TF: variants seen among roughly 807,000 people sequenced by gnomAD.
TF encodes the protein transferrin, also known as serotransferrin.
In TF, 55 loss-of-function variants were observed where a neutral mutation model predicts 82.4. The ratio of observed to expected loss-of-function variants is 0.67; its 90% CI spans 0.54 to 0.84. The LOEUF (loss-of-function observed/expected upper bound fraction) is 0.84, where lower values mean the gene tolerates loss of function less well. Ranked by LOEUF, TF falls within the 40% of genes least tolerant of loss-of-function variation. The pLI, the probability that TF is intolerant of heterozygous loss-of-function variation, is 0.00. For synonymous variants in TF, 332 were observed against 332.6 expected (o/e 1.00, Z 0.02); for missense variants, 737 against 868.4 (o/e 0.85, Z 1.90).
chr3:133,721,774 A>G, the TF span, among the ~76,000 whole-genome samples: 3 of 152,108 alleles, frequency 2.0e-5, no homozygotes, highest in Admixed American at 6.5e-5. Flanking sequence ...CCACTATTGG[A>G]TGCATATCTA....
At chr3:133,748,104 C>T (rs998319949) in intron 1 of TF, 4 of 440,506 alleles carry the variant, frequency 9.1e-6, no homozygotes, top group Admixed American at 6.9e-5. Flanking sequence ...GGGGCCAGGA[C>T]AGTGATGGGA....
rs1338850612 is a variant in TF at position 133,787,085 on chromosome 3, G to GC, written c.*8467dup. The GC allele has an allele frequency of 6.6e-6, 1 of 152,190 alleles. No individual in the cohort carries two copies. The highest frequency in any genetic ancestry group is 6.5e-5 in the Admixed American group (1 of 15,280). 9.4% of individuals were successfully genotyped at this position (152,190 alleles called of 1,614,324 possible). ...GTGTTCATACTTGGACATTTCACTTGCCATTTTTCTGTCTGTTTTGTGCAT... is the reference window on the plus strand; with the variant it reads ...GTGTTCATACTTGGACATTTCACTTGCCCATTTTTCTGTCTGTTTTGTGCAT... On this transcript the variant is annotated 3_prime_UTR_variant, in exon 17 of 17. Coordinates refer to ENST00000402696, the MANE Select transcript of TF (RefSeq NM_001063.4).
chr3:133,683,168 A>G, the TF span, among the ~76,000 whole-genome samples: 1 of 152,216 alleles, frequency 6.6e-6, no homozygotes, highest in Non-Finnish European at 1.5e-5. Context: ...GCTTTTGTCA[A>G]CATCAGGCCT....
At chr3:133,706,167 A>G in the TF span, among the ~76,000 whole-genome samples, 1 of 152,198 alleles carries the variant, frequency 6.6e-6, no homozygotes, top group Non-Finnish European at 1.5e-5. Context: ...GCCTGAGCAC[A>G]TGCTGCCTGC....
intron 14 of TF, chr3:133,774,375 C>T (rs1271048485): frequency 6.6e-6 from 1 of 152,038 alleles, no homozygotes; most frequent in Non-Finnish European, 1.5e-5. Flanking sequence ...TTTAAAGATA[C>T]TATTATAGCC....
the TF span, among the ~76,000 whole-genome samples, chr3:133,674,140 G>A: frequency 2.7e-3 from 417 of 152,358 alleles, 4 homozygotes; most frequent in African/African-American, 9.7e-3. Context: ...TCCAGGGGAA[G>A]AGCCCACGGT....
chr3:133,752,531 G>A (rs1933702811), intron 2 of TF, among the ~76,000 whole-genome samples: 1 of 152,108 alleles, frequency 6.6e-6, no homozygotes. Context: ...ATAAAAGATG[G>A]TTGGGCTCAC....
intron 10 of TF, 141 bp downstream of exon 10, chr3:133,764,416 G>T (rs934777491): frequency 1.7e-5 from 12 of 717,728 alleles, no homozygotes; most frequent in Non-Finnish European, 3.0e-5. Flanking sequence ...CAAGCTCTGG[G>T]CTCCTTCATC....
intron 9 of TF, chr3:133,762,052 A>T (rs1934009141): frequency 5.6e-6 from 1 of 177,210 alleles, no homozygotes; most frequent in Non-Finnish European, 1.3e-5. Flanking sequence ...TTATTTGAAG[A>T]TGGAAATGGA....
At chr3:133,754,716 T>C in intron 4 of TF, 45 bp downstream of exon 4, 1 of 1,597,340 alleles carries the variant, frequency 6.3e-7, no homozygotes, top group Non-Finnish European at 8.6e-7. Flanking sequence ...CTGCCTCTGC[T>C]CCAGATGCCC....
chr3:133,662,288 C>G, the TF span: 2 of 152,348 alleles, frequency 1.3e-5, no homozygotes, highest in African/African-American at 4.8e-5. Flanking sequence ...CAAAACAATT[C>G]CGTGAGGCAA....
chr3:133,756,825 C>T lies in TF; in HGVS notation c.692-6C>T, dbSNP rs371310829. Reference sequence around the variant, plus strand: ...TGTTAAGCTCACCTGGGCTTTCCCTCCCCAGAGAACTTGGCAAACAAGGCT... The same window carrying T: ...TGTTAAGCTCACCTGGGCTTTCCCTTCCCAGAGAACTTGGCAAACAAGGCT... On this transcript the variant is annotated splice_polypyrimidine_tract_variant and splice_region_variant and intron_variant, in intron 6 of 16. Coordinates refer to ENST00000402696, the MANE Select transcript of TF (RefSeq NM_001063.4). 121 of 1,614,090 alleles carry T rather than the reference C, an allele frequency of 7.5e-5. No individual in the cohort carries two copies. Among genetic ancestry groups the T allele is most frequent in the Non-Finnish European group, 9.9e-5 (117 of 1,180,042 alleles).
At chr3:133,744,788 G>T (rs1933458756), upstream of TF, among the ~76,000 whole-genome samples, 1 of 152,188 alleles carries the variant, frequency 6.6e-6, no homozygotes, top group Non-Finnish European at 1.5e-5. Flanking sequence ...ATAATCTTTT[G>T]GAGTGTGGGA....
chr3:133,771,953 C>T (rs1934272260), intron 14 of TF, among the ~76,000 whole-genome samples: 1 of 152,042 alleles, frequency 6.6e-6, no homozygotes, highest in South Asian at 2.1e-4. Flanking sequence ...CTCTCATGTT[C>T]ATTCCCCAAC....
At position 133,785,457 on chromosome 3, in the gene TF, C is replaced by G. The variant is rs1168035869; in HGVS notation, c.*6837C>G. 1 of 129,518 alleles carries G rather than the reference C, an allele frequency of 7.7e-6. No individual in the cohort carries two copies. The highest frequency in any genetic ancestry group is 1.7e-5 in the Non-Finnish European group (1 of 58,100). 8.0% of individuals were successfully genotyped at this position (129,518 alleles called of 1,614,324 possible). A position where few individuals can be genotyped will look rare whatever the true frequency, so the allele number is the denominator to read the frequency against. On this transcript the variant is annotated 3_prime_UTR_variant, in exon 17 of 17. Coordinates refer to ENST00000402696, the MANE Select transcript of TF (RefSeq NM_001063.4). ...TCCGGGAGGGAGGTGGGGGGGTCAG[C>G]CCCCCGCCCGGCCAGCCGCCCCGTC...
At position 133,787,159 on chromosome 3, in the gene TF, T is replaced by C. The variant is rs763153220; in HGVS notation, c.*8539T>C. On this transcript the variant is annotated 3_prime_UTR_variant, in exon 17 of 17. Coordinates refer to ENST00000402696, the MANE Select transcript of TF (RefSeq NM_001063.4). ...TACATAATGGACAAATGAGTCCTAA[T>C]TTTGCAACATTTGGTCTCTAGATGT... The C allele has an allele frequency of 6.6e-6, 1 of 152,240 alleles. No individual in the cohort carries two copies. Among genetic ancestry groups the C allele is most frequent in the Non-Finnish European group, 1.5e-5 (1 of 68,038 alleles). The allele number at this position is 152,240 out of a possible 1,614,324, so 9.4% of individuals were successfully genotyped here.
chr3:133,678,890 T>C, the TF span, among the ~76,000 whole-genome samples: 4 of 152,072 alleles, frequency 2.6e-5, no homozygotes, highest in African/African-American at 9.7e-5. Context: ...TGTTTTGTTT[T>C]GAGATGAAAT....
At chr3:133,672,378 C>G in the TF span, among the ~76,000 whole-genome samples, 1 of 151,500 alleles carries the variant, frequency 6.6e-6, no homozygotes, top group African/African-American at 2.4e-5. Context: ...CAATTAAAAC[C>G]TTGCAACCAA....
chr3:133,723,652 A>AC, the TF span, among the ~76,000 whole-genome samples: 1 of 146,782 alleles, frequency 6.8e-6, no homozygotes, highest in Non-Finnish European at 1.5e-5. Flanking sequence ...TATTATTATT[A>AC]TTATTATTAT....
Sources: gnomAD v4.1 joint callset for allele counts (sites outside exome capture counted in the v4.1 genomes callset) on GRCh38, gnomAD v4.1.1 for gene constraint, MANE v1.5 for transcripts, NCBI Gene and HGNC (gene_info 2026-07-23, HGNC 2026-07-21) for gene names.